The following CEP85 variants were observed in gnomAD, a reference collection of about 807,000 sequenced individuals.
CEP85 encodes the protein centrosomal protein of 85 kDa.
In CEP85, 58 loss-of-function variants were observed where a neutral mutation model predicts 93.7. That is an observed-to-expected ratio of 0.62 (90% CI 0.50 to 0.77). The LOEUF (loss-of-function observed/expected upper bound fraction) is 0.77, where lower values mean the gene tolerates loss of function less well. Ranked by LOEUF, CEP85 falls within the 30% of genes least tolerant of loss-of-function variation. The pLI, the probability that CEP85 is intolerant of heterozygous loss-of-function variation, is 0.00. For missense variants in CEP85, 868 were observed against 922.0 expected (o/e 0.94, Z 0.76); for synonymous variants, 314 against 338.6 (o/e 0.93, Z 0.80).
Position 26,255,465 on chromosome 1 carries a change from T to C in CEP85, c.503T>C (p.Val168Ala). 1 of 1,613,924 alleles carries C rather than the reference T, an allele frequency of 6.2e-7. No homozygotes were observed. The highest frequency in any genetic ancestry group is 8.5e-7 in the Non-Finnish European group (1 of 1,179,954). The change falls in exon 4 of 14, where the codon GTG becomes GCG. Residue 168 changes from valine (V) to alanine (A), a missense_variant. Physicochemically the swap from Val to Ala is moderately conservative, Grantham distance 64. Transcript: ENST00000451429. ...NGIEQSWFPAVGHERQEEARK... is the reference protein window; with the variant it reads ...NGIEQSWFPAAGHERQEEARK... ...ATTGAGCAGTCCTGGTTTCCAGCAG[T>C]GGGCCATGAAAGACAAGAAGAGGCG...
rs556866666 is a variant in CEP85, at chr1:26,244,313, C to T, written c.203C>T (p.Ala68Val). Residue 68 changes from alanine to valine, a missense_variant, in exon 3 of 14, where the codon GCG becomes GTG. Physicochemically the swap from Ala to Val is moderately conservative, Grantham distance 64. Transcript: ENST00000451429. Reference sequence around the variant, plus strand: ...ATTGGTACATCATGCTCAGATATTGCGGAGGGTAAGTTTGTATTAATGATT... The same window carrying T: ...ATTGGTACATCATGCTCAGATATTGTGGAGGGTAAGTTTGTATTAATGATT... ...TAIGTSCSDI[A>V]EDFCSSSGSP... is the part of the protein sequence containing the mutation. 23 of 1,612,590 alleles carry T rather than the reference C, an allele frequency of 1.4e-5. No individual in the cohort carries two copies. The highest frequency in any genetic ancestry group is 3.3e-5 in the Admixed American group (2 of 59,856).
intron 2 of CEP85, 33 bp from the exon 3 acceptor site, chr1:26,244,133 C>T (rs1360995876): frequency 6.2e-7 from 1 of 1,600,872 alleles, no homozygotes; most frequent in African/African-American, 1.3e-5. Context: ...TCAGCTGGTT[C>T]ACAGTAAAGG....
At position 26,277,454 on chromosome 1, in the gene CEP85, CT is replaced by C; in HGVS notation, c.*162del. 1 of 613,748 alleles carries C rather than the reference CT, an allele frequency of 1.6e-6. No individual in the cohort carries two copies. The highest frequency in any genetic ancestry group is 2.9e-6 in the Non-Finnish European group (1 of 343,136). 38.0% of individuals were successfully genotyped at this position (613,748 alleles called of 1,614,324 possible). On this transcript the variant is annotated 3_prime_UTR_variant, in exon 14 of 14. Transcript: ENST00000451429. ...CAAGGGCTGATTAGGGAACTGTGTC[CT>C]ACCCACACTGGCATGTTGGATTACG...
chr1:26,254,371 T>A (rs1395802548), intron 3 of CEP85, among the ~76,000 whole-genome samples: 1 of 151,488 alleles, frequency 6.6e-6, no homozygotes, highest in African/African-American at 2.4e-5. Flanking sequence ...TCAAGGGTTG[T>A]CTCCCAAGAC....
intron 11 of CEP85, among the ~76,000 whole-genome samples, chr1:26,272,998 A>G (rs17163808): frequency 0.15 from 22,629 of 152,058 alleles, 1,900 homozygotes; most frequent in South Asian, 0.21. Flanking sequence ...GAAGATTGGC[A>G]TCCTGGAGAG....
Position 26,251,336 on chromosome 1 carries a change from C to T in CEP85, c.209-3835C>T, listed in dbSNP as rs955450951. Among the ~76,000 whole-genome samples, 7 of 148,502 alleles carry T rather than the reference C, an allele frequency of 4.7e-5. No individual in the cohort carries two copies. The East Asian group carries it at 1.4e-3, about 29-fold the overall frequency. On this transcript the variant is annotated intron_variant, in intron 3 of 13. Transcript: ENST00000451429. ...GTGCAATCTCGGCTCACTGCAACGTCTGCCTCCCGGTTTCAGGCGATTCTC... is the reference window on the plus strand; with the variant it reads ...GTGCAATCTCGGCTCACTGCAACGTTTGCCTCCCGGTTTCAGGCGATTCTC...
intron 3 of CEP85, among the ~76,000 whole-genome samples, chr1:26,244,580 G>A (rs1447044924): frequency 6.6e-6 from 1 of 152,182 alleles, no homozygotes; most frequent in African/African-American, 2.4e-5. Flanking sequence ...AGGTTGGAGT[G>A]CACTGGCATG....
intron 11 of CEP85, among the ~76,000 whole-genome samples, chr1:26,273,821 T>C (rs1235787526): frequency 6.6e-6 from 1 of 151,750 alleles, no homozygotes; most frequent in South Asian, 2.1e-4. Flanking sequence ...TGTTTGAACC[T>C]GGGAGGTGGA....
Position 26,244,808 on chromosome 1 carries a change from C to T in CEP85, c.208+490C>T, listed in dbSNP as rs372159620. On this transcript the variant is annotated intron_variant, in intron 3 of 13. Coordinates refer to ENST00000451429, the MANE Select transcript of CEP85 (RefSeq NM_001319944.2). ...AAGTGCTGAGATTACAGGAATGAGCCCCTGTGCCTAGCCTTTGAAACAACT... is the reference window on the plus strand; with the variant it reads ...AAGTGCTGAGATTACAGGAATGAGCTCCTGTGCCTAGCCTTTGAAACAACT... 1.1e-3 allele frequency among the ~76,000 whole-genome samples: 174 copies of T among 152,236 alleles called. 1 individual carries two copies. The highest frequency in any genetic ancestry group is 4.1e-3 in the African/African-American group (169 of 41,538).
intron 3 of CEP85, chr1:26,254,622 A>T (rs1456036857): frequency 6.5e-6 from 1 of 154,684 alleles, no homozygotes; most frequent in Non-Finnish European, 1.4e-5. Flanking sequence ...CCTGCCTCAG[A>T]TGCCATACTC....
chr1:26,248,964 G>A (rs1021763350), intron 3 of CEP85, among the ~76,000 whole-genome samples: 42 of 151,914 alleles, frequency 2.8e-4, no homozygotes, highest in African/African-American at 9.4e-4. Context: ...CTGACCTCAC[G>A]ATCTGCCCAC....
rs751207489 is a variant in CEP85 at position 26,275,058 on chromosome 1, C to T, written c.1889C>T (p.Thr630Ile). 3 of 1,574,532 alleles carry T rather than the reference C, an allele frequency of 1.9e-6. No homozygotes were observed. The African/African-American group carries it at 4.1e-5, about 21-fold the overall frequency. The change falls in exon 12 of 14, where the codon ACA becomes ATA. Residue 630 changes from threonine (T) to isoleucine (I), a missense_variant. Physicochemically the swap from Thr to Ile is moderately conservative, Grantham distance 89 (BLOSUM62 -1). Transcript: ENST00000451429. ...RRDSALQQLR[T>I]AVKELSVQNQ... ...GATTCAGCCCTGCAGCAGCTGCGCACAGCCGTGAAGGAGGTGAGCAACATT... is the reference window on the plus strand; with the variant it reads ...GATTCAGCCCTGCAGCAGCTGCGCATAGCCGTGAAGGAGGTGAGCAACATT...
At chr1:26,252,896 C>T (rs1218800237) in intron 3 of CEP85, among the ~76,000 whole-genome samples, 1 of 152,130 alleles carries the variant, frequency 6.6e-6, no homozygotes, top group South Asian at 2.1e-4. Flanking sequence ...CAGCATCTCT[C>T]GATTCCCCCT....
At chr1:26,254,492 G>T (rs553500630) in intron 3 of CEP85, 1 of 152,226 alleles carries the variant, frequency 6.6e-6, no homozygotes, top group Non-Finnish European at 1.5e-5. Context: ...ATAAAATAGA[G>T]GATTTCAGTG....
At chr1:26,276,889 G>C in intron 13 of CEP85, 129 bp downstream of exon 13, 1 of 836,914 alleles carries the variant, frequency 1.2e-6, no homozygotes, top group Non-Finnish European at 1.9e-6. Flanking sequence ...CTGCCCTCTG[G>C]ACATTTATTT....
chr1:26,272,803 A>AT (rs1421827129), intron 11 of CEP85, among the ~76,000 whole-genome samples: 2 of 151,562 alleles, frequency 1.3e-5, no homozygotes, highest in Non-Finnish European at 2.9e-5. Flanking sequence ...TAATTTTTGT[A>AT]TTTTTTGTAG....
At chr1:26,261,411 G>A (rs1316229150) in intron 7 of CEP85, among the ~76,000 whole-genome samples, 1 of 152,028 alleles carries the variant, frequency 6.6e-6, no homozygotes, top group East Asian at 1.9e-4. Context: ...GGCGGAAGTT[G>A]CAATGAGGCA....
chr1:26,236,394 C>CTT (rs1417786817), intron 1 of CEP85, among the ~76,000 whole-genome samples: 4 of 141,102 alleles, frequency 2.8e-5, no homozygotes, highest in African/African-American at 7.8e-5. Context: ...CTGTTGGGTG[C>CTT]TTTTTTTTTT....
At chr1:26,275,470 G>C (rs915825259) in intron 12 of CEP85, among the ~76,000 whole-genome samples, 6 of 152,020 alleles carry the variant, frequency 3.9e-5, no homozygotes, top group Admixed American at 2.6e-4. Context: ...TAGTTGAGGT[G>C]GGGTTTCACC....
Sources: allele counts gnomAD v4.1 joint callset (sites outside exome capture counted in the v4.1 genomes callset), GRCh38; gene constraint gnomAD v4.1.1; transcripts MANE v1.5; gene names NCBI Gene and HGNC (gene_info 2026-07-23, HGNC 2026-07-21).